The following TRDN variants were observed in gnomAD, a reference collection of about 807,000 sequenced individuals.
TRDN encodes triadin in skeletal muscle.
A neutral mutation model predicts 149.7 loss-of-function variants in TRDN; 161 were observed. That is an observed-to-expected ratio of 1.08 (90% confidence interval 0.95 to 1.23). TRDN has a LOEUF of 1.23. TRDN is among the 50% of genes most tolerant of loss of function. The pLI, the probability that TRDN is intolerant of heterozygous loss-of-function variation, is 0.00. For synonymous variants in TRDN, 294 were observed against 250.5 expected (o/e 1.17, Z -1.64); for missense variants, 896 against 823.5 (o/e 1.09, Z -1.08).
At chr6:123,343,658 G>A (rs1780146749) in intron 21 of TRDN, among the ~76,000 whole-genome samples, 1 of 151,876 alleles carries the variant, frequency 6.6e-6, no homozygotes, top group African/African-American at 2.4e-5. Flanking sequence ...CGAGTTAGTG[G>A]TGCAGCACAC....
At chr6:123,468,932 T>C (rs1457168538) in intron 9 of TRDN, 2 of 152,126 alleles carry the variant, frequency 1.3e-5, no homozygotes, top group Admixed American at 1.3e-4. Flanking sequence ...ACTGGAAAGG[T>C]ATGAGGACCT....
intron 38 of TRDN, among the ~76,000 whole-genome samples, chr6:123,226,706 G>T (rs894634888): frequency 2.0e-5 from 3 of 151,806 alleles, no homozygotes; most frequent in Non-Finnish European, 4.4e-5. Flanking sequence ...TAAAATTCAA[G>T]AAAGGAATAA....
intron 1 of TRDN, among the ~76,000 whole-genome samples, chr6:123,613,685 C>T (rs1784922168): frequency 6.6e-6 from 1 of 152,048 alleles, no homozygotes; most frequent in Non-Finnish European, 1.5e-5. Context: ...AATAAAATGT[C>T]TTACAATTAA....
At chr6:123,329,079 C>A (rs1421953576) in intron 23 of TRDN, among the ~76,000 whole-genome samples, 1 of 151,946 alleles carries the variant, frequency 6.6e-6, no homozygotes, top group African/African-American at 2.4e-5. Context: ...TTCCATATTC[C>A]TGGAAAATGA....
chr6:123,336,328 C>T (rs1364143344), intron 22 of TRDN, among the ~76,000 whole-genome samples: 1 of 151,990 alleles, frequency 6.6e-6, no homozygotes, highest in African/African-American at 2.4e-5. Flanking sequence ...CCTCACATTC[C>T]TTGTTCACAA....
intron 14 of TRDN, among the ~76,000 whole-genome samples, chr6:123,387,147 A>G (rs1405086631): frequency 6.6e-6 from 1 of 152,154 alleles, no homozygotes. Context: ...GAAAGAGGTA[A>G]TATTAGAGGC....
At chr6:123,591,236 C>T (rs966668400) in intron 1 of TRDN, among the ~76,000 whole-genome samples, 5 of 151,752 alleles carry the variant, frequency 3.3e-5, no homozygotes, top group Admixed American at 6.6e-5. Context: ...ATTTGTTTTA[C>T]CTGAACCCAA....
In TRDN at chr6:123,599,592, A is replaced by AT. The variant is rs988902930; in HGVS notation, c.23-28461dup. 1.8e-3 allele frequency among the ~76,000 whole-genome samples: 275 copies of AT among 149,112 alleles called. 2 individuals are homozygous for AT. Among genetic ancestry groups the AT allele is most frequent in the African/African-American group, 3.9e-3 (157 of 40,710 alleles). ...TTAATCCCTTTCATAATTTGGTGCT[A>AT]TTTTTTTTTTCTAAATAAGCATTAT... On this transcript the variant is annotated intron_variant, in intron 1 of 40. Transcript: ENST00000334268.
intron 1 of TRDN, among the ~76,000 whole-genome samples, chr6:123,605,759 CTCAAAA>C (rs1784503572): frequency 6.6e-6 from 1 of 152,000 alleles, no homozygotes; most frequent in African/African-American, 2.4e-5. Flanking sequence ...ACAAGACTGT[CTCAAAA>C]ACAAAAACAA....
intron 20 of TRDN, among the ~76,000 whole-genome samples, chr6:123,357,404 G>T (rs1780723808): frequency 1.3e-5 from 2 of 152,092 alleles, no homozygotes; most frequent in South Asian, 4.1e-4. Flanking sequence ...CAAAGGAGTG[G>T]GAAAGACTTA....
chr6:123,316,973 C>A (rs1249692042), intron 23 of TRDN, among the ~76,000 whole-genome samples: 1 of 151,562 alleles, frequency 6.6e-6, no homozygotes, highest in East Asian at 1.9e-4. Context: ...CCGTTAGTAT[C>A]AATTTTATAA....
At chr6:123,411,049 CTTTTT>C (rs34482163) in intron 12 of TRDN, among the ~76,000 whole-genome samples, 1 of 126,398 alleles carries the variant, frequency 7.9e-6, no homozygotes. Flanking sequence ...AACTTTCTTT[CTTTTT>C]TTTTTTTTTT....
chr6:123,260,656 A>AC lies in TRDN; in HGVS notation c.1805-19_1805-18insG. ...TGTTCCTTCTTTAGAAAAAAAAAAA[A>AC]AAAGAATGTAGAAAGAAAGGAAAAA... On this transcript the variant is annotated intron_variant, in intron 33 of 40. Transcript: ENST00000334268. 6.9e-7 allele frequency: 1 copy of AC among 1,458,996 alleles called. No homozygotes were observed. The highest frequency in any genetic ancestry group is 9.1e-7 in the Non-Finnish European group (1 of 1,100,504). 90.4% of individuals were successfully genotyped at this position (1,458,996 alleles called of 1,614,324 possible).
chr6:123,453,837 A>G (rs972888665), intron 10 of TRDN, among the ~76,000 whole-genome samples: 1 of 152,226 alleles, frequency 6.6e-6, no homozygotes, highest in Admixed American at 6.5e-5. Flanking sequence ...CAATTACAAA[A>G]TTGTGAAACC....
chr6:123,485,765 G>C (rs955680806), intron 9 of TRDN, among the ~76,000 whole-genome samples: 2 of 152,026 alleles, frequency 1.3e-5, no homozygotes, highest in Non-Finnish European at 2.9e-5. Context: ...TTATAGATGA[G>C]GAAAGAGGCT....
At chr6:123,224,177 G>A in intron 38 of TRDN, 46 bp from the exon 39 acceptor site, 1 of 1,579,938 alleles carries the variant, frequency 6.3e-7, no homozygotes, top group Non-Finnish European at 8.7e-7. Context: ...CAATTTTTCA[G>A]TTTTCCCAGA....
intron 24 of TRDN, among the ~76,000 whole-genome samples, chr6:123,288,647 A>G (rs1777884132): frequency 6.7e-6 from 1 of 148,286 alleles, no homozygotes; most frequent in African/African-American, 2.4e-5. Flanking sequence ...ATTTCTAATC[A>G]TGTGGGAAAT....
chr6:123,342,355 T>A (rs530143781), intron 21 of TRDN, among the ~76,000 whole-genome samples: 36 of 151,918 alleles, frequency 2.4e-4, no homozygotes, highest in Non-Finnish European at 4.9e-4. Flanking sequence ...TAAAGAATAC[T>A]CTTTCAAAGA....
intron 24 of TRDN, among the ~76,000 whole-genome samples, chr6:123,300,077 G>T (rs914326545): frequency 3.9e-5 from 6 of 151,912 alleles, no homozygotes; most frequent in Non-Finnish European, 8.8e-5. Context: ...CACAGCATCT[G>T]CTTCCTATGT....
Sources: allele counts gnomAD v4.1 joint callset (sites outside exome capture counted in the v4.1 genomes callset), GRCh38; gene constraint gnomAD v4.1.1; transcripts MANE v1.5; gene names NCBI Gene and HGNC (gene_info 2026-07-23, HGNC 2026-07-21).